CTNNA2: variants seen among roughly 807,000 people sequenced by gnomAD.
CTNNA2 encodes the protein catenin alpha-2.
A neutral mutation model predicts 101.0 loss-of-function variants in CTNNA2; 42 were observed. The observed-to-expected ratio is 0.42, with a 90% confidence interval of 0.32 to 0.54. The LOEUF is 0.54. CTNNA2 is among the 20% of genes least tolerant of loss of function. CTNNA2 has a pLI of 0.14. For synonymous variants in CTNNA2, 450 were observed against 456.4 expected, an observed-to-expected ratio of 0.99 and a Z score of 0.18; for missense variants, 871 against 1,223.1, an observed-to-expected ratio of 0.71 and a Z score of 4.29.
chr2:79,721,527 T>C (rs978439489), intron 2 of CTNNA2, among the ~76,000 whole-genome samples: 33 of 152,234 alleles, frequency 2.2e-4, no homozygotes, highest in African/African-American at 8.0e-4. Context: ...GGGGGACATA[T>C]TCAAATCCTA....
chr2:80,562,948 A>T (rs1693735815), intron 12 of CTNNA2, among the ~76,000 whole-genome samples: 1 of 151,900 alleles, frequency 6.6e-6, no homozygotes, highest in African/African-American at 2.4e-5. Flanking sequence ...TACGGTAAAC[A>T]TAGGAAGATT....
chr2:79,585,499 A>C (rs1313011913), intron 1 of CTNNA2, among the ~76,000 whole-genome samples: 1 of 151,964 alleles, frequency 6.6e-6, no homozygotes, highest in East Asian at 1.9e-4. Context: ...TTTTATTCTT[A>C]TAATATTATT....
At chr2:80,495,921 C>A in intron 9 of CTNNA2, among the ~76,000 whole-genome samples, 1 of 111,286 alleles carries the variant, frequency 9.0e-6, no homozygotes, top group East Asian at 3.2e-4. Flanking sequence ...GCCTGGGCGG[C>A]AGAGCAAGAC....
chr2:80,306,459 T>C (rs1456769885), intron 7 of CTNNA2, among the ~76,000 whole-genome samples: 1 of 151,158 alleles, frequency 6.6e-6, no homozygotes, highest in African/African-American at 2.4e-5. Flanking sequence ...TTTCTCTCTC[T>C]CTCTTTCTTT....
At chr2:80,328,691 G>C (rs1478259204) in intron 7 of CTNNA2, among the ~76,000 whole-genome samples, 1 of 152,208 alleles carries the variant, frequency 6.6e-6, no homozygotes, top group Non-Finnish European at 1.5e-5. Flanking sequence ...ATGTATTTGT[G>C]CATGTTGTGT....
intron 9 of CTNNA2, among the ~76,000 whole-genome samples, chr2:80,498,704 C>A (rs997547667): frequency 1.3e-5 from 2 of 152,214 alleles, no homozygotes; most frequent in South Asian, 2.1e-4. Flanking sequence ...GCATTCCATG[C>A]CCCATCTCTC....
At chr2:80,138,142 AGAG>A (rs1273699288) in intron 7 of CTNNA2, among the ~76,000 whole-genome samples, 1 of 152,204 alleles carries the variant, frequency 6.6e-6, no homozygotes, top group Non-Finnish European at 1.5e-5. Context: ...GTATAGCAGA[AGAG>A]GGAATAAACA....
rs1003325959 is a variant in CTNNA2, at chr2:80,407,653, C to T, written c.1138-11796C>T. On this transcript the variant is annotated intron_variant, in intron 8 of 18. Coordinates refer to ENST00000402739, the MANE Select transcript of CTNNA2 (RefSeq NM_001282597.3). ...AGATAAGACAAATATGGTGTAAGCA[C>T]CTGAATTCCCTGAAAAGCTAAAGGA... Among the ~76,000 whole-genome samples, 68 of 152,140 alleles carry T rather than the reference C, an allele frequency of 4.5e-4. 3 individuals are homozygous for T. The highest frequency in any genetic ancestry group is 6.5e-5 in the Admixed American group (1 of 15,276).
At chr2:79,389,716 T>A (rs1021240255) in intron 4 of CTNNA2, among the ~76,000 whole-genome samples, 2 of 152,100 alleles carry the variant, frequency 1.3e-5, no homozygotes, top group African/African-American at 4.8e-5. Flanking sequence ...TAAACAAACA[T>A]CAAAGAAAAA....
chr2:79,232,433 T>G (rs568431962), intron 2 of CTNNA2, among the ~76,000 whole-genome samples: 1 of 152,306 alleles, frequency 6.6e-6, no homozygotes, highest in South Asian at 2.1e-4. Flanking sequence ...GAATTAACCT[T>G]TTCATGTGCT....
At chr2:80,169,530 T>G (rs1423042987) in intron 7 of CTNNA2, among the ~76,000 whole-genome samples, 1 of 152,222 alleles carries the variant, frequency 6.6e-6, no homozygotes, top group Non-Finnish European at 1.5e-5. Context: ...GTCCCCATAT[T>G]GACTCTTTGC....
At chr2:80,013,875 C>G (rs549227125) in intron 7 of CTNNA2, among the ~76,000 whole-genome samples, 2 of 152,192 alleles carry the variant, frequency 1.3e-5, no homozygotes, top group Non-Finnish European at 2.9e-5. Flanking sequence ...GGCTCCTCCT[C>G]CAGTAGCATG....
chr2:79,301,254 A>G (rs868104928), intron 2 of CTNNA2, among the ~76,000 whole-genome samples: 12 of 152,164 alleles, frequency 7.9e-5, no homozygotes, highest in African/African-American at 2.9e-4. Flanking sequence ...GGCCTTCTAC[A>G]CTACGAAGGC....
intron 3 of CTNNA2, among the ~76,000 whole-genome samples, chr2:79,776,487 C>G (rs1673973987): frequency 6.6e-6 from 1 of 152,098 alleles, no homozygotes; most frequent in Admixed American, 6.5e-5. Flanking sequence ...AGAAAAACCA[C>G]TGTATAAATC....
chr2:80,424,768 T>A (rs189146785), intron 9 of CTNNA2, among the ~76,000 whole-genome samples: 1 of 152,346 alleles, frequency 6.6e-6, no homozygotes, highest in Admixed American at 6.5e-5. Flanking sequence ...ACCACGAGAC[T>A]GAGTTTGCTT....
intron 3 of CTNNA2, among the ~76,000 whole-genome samples, chr2:79,827,184 G>A (rs1574071001): frequency 1.3e-5 from 2 of 151,940 alleles, no homozygotes; most frequent in South Asian, 2.1e-4. Flanking sequence ...GATTACAGGC[G>A]CCCGCCACCA....
chr2:80,153,061 C>G (rs1465184599), intron 7 of CTNNA2, among the ~76,000 whole-genome samples: 1 of 152,188 alleles, frequency 6.6e-6, no homozygotes, highest in African/African-American at 2.4e-5. Flanking sequence ...TCCCGCAGAA[C>G]ACCGTGGTGA....
intron 1 of CTNNA2, among the ~76,000 whole-genome samples, chr2:79,541,846 C>T (rs1028368767): frequency 2.6e-5 from 4 of 151,342 alleles, no homozygotes; most frequent in African/African-American, 9.7e-5. Flanking sequence ...AGGATGGTGT[C>T]GATCTCTTGA....
intron 3 of CTNNA2, among the ~76,000 whole-genome samples, chr2:79,752,184 G>A (rs141392791): frequency 2.0e-5 from 3 of 152,186 alleles, no homozygotes; most frequent in African/African-American, 4.8e-5. Flanking sequence ...AGAACAGAGG[G>A]ATGAAGGTAT....
Sources: gnomAD v4.1 joint callset for allele counts (sites outside exome capture counted in the v4.1 genomes callset) on GRCh38, gnomAD v4.1.1 for gene constraint, MANE v1.5 for transcripts, NCBI Gene and HGNC (gene_info 2026-07-23, HGNC 2026-07-21) for gene names.